Variants in NEXMIF observed in about 807,000 individuals in gnomAD.
NEXMIF encodes neurite extension and migration factor, also known as XLMR protein related to neurite extension.
NEXMIF carries 8 observed loss-of-function variants against 62.1 expected under a neutral mutation model. That is an observed-to-expected ratio of 0.13 (90% confidence interval 0.08 to 0.23). The LOEUF (loss-of-function observed/expected upper bound fraction) is 0.23, where lower values mean the gene tolerates loss of function less well. Ranked by LOEUF, NEXMIF falls within the 10% of genes least tolerant of loss-of-function variation. The pLI is 1.00. For missense variants in NEXMIF, 976 were observed against 1,113.3 expected, an observed-to-expected ratio of 0.88 and a Z score of 1.75; for synonymous variants, 404 against 416.6, an observed-to-expected ratio of 0.97 and a Z score of 0.37.
chrX:74,828,147 G>A (rs1488222431), intron 1 of NEXMIF, among the ~76,000 whole-genome samples: 1 of 111,647 alleles, frequency 9.0e-6, no homozygotes, highest in Non-Finnish European at 1.9e-5. Context: ...TGGGTTTGTA[G>A]AGAGAAAAAT....
chrX:74,918,927 T>C (rs2080816909), intron 1 of NEXMIF, among the ~76,000 whole-genome samples: 1 of 112,290 alleles, frequency 8.9e-6, no homozygotes, highest in South Asian at 3.7e-4. Flanking sequence ...ATCGTGTCCA[T>C]TATGGAAAAG....
At chrX:74,770,177 C>T (rs112434830) in intron 1 of NEXMIF, among the ~76,000 whole-genome samples, 1 of 111,946 alleles carries the variant, frequency 8.9e-6, no homozygotes, top group African/African-American at 3.2e-5. Flanking sequence ...ATCACTTAAC[C>T]TCATTTGAAT....
intron 1 of NEXMIF, among the ~76,000 whole-genome samples, chrX:74,792,451 G>A (rs1428050328): frequency 9.3e-6 from 1 of 106,969 alleles, no homozygotes; most frequent in African/African-American, 3.4e-5. Flanking sequence ...TGTATATTCT[G>A]TTGATTTGGG....
rs1340241971 is a variant in NEXMIF, at chrX:74,753,500, TACTA to T, written c.-47-7807_-47-7804del. On this transcript the variant is annotated intron_variant, in intron 1 of 3. Transcript: ENST00000055682. ...TAAAAATAACCACTAATCAGAGGGC[TACTA>T]ACTTTTTGTTTGTCTTTATTGGAGG... Among the ~76,000 whole-genome samples the T allele has an allele frequency of 3.3e-3, 370 of 112,189 alleles. 2 individuals are homozygous for T. The highest frequency in any genetic ancestry group is 0.011 in the African/African-American group (353 of 30,863).
chrX:74,909,386 C>T lies in NEXMIF; in HGVS notation c.-48+15497G>A, dbSNP rs766037218. 2.7e-5 allele frequency among the ~76,000 whole-genome samples: 3 copies of T among 111,796 alleles called. No individual in the cohort carries two copies. In the East Asian group the frequency reaches 8.5e-4, roughly 32 times the overall value. ...CAAAGAGACTGGTGGCATTTTGCCCCTGCCCTAGAGATTTGTGGAACTTTG... is the reference window on the plus strand; with the variant it reads ...CAAAGAGACTGGTGGCATTTTGCCCTTGCCCTAGAGATTTGTGGAACTTTG... On this transcript the variant is annotated intron_variant, in intron 1 of 3. Transcript: ENST00000055682.
chrX:74,884,010 G>C (rs999654432), intron 1 of NEXMIF, among the ~76,000 whole-genome samples: 1 of 112,090 alleles, frequency 8.9e-6, no homozygotes, highest in South Asian at 3.7e-4. Context: ...TTAAAGAAAA[G>C]AATTTTCAAC....
chrX:74,890,565 A>T (rs12849318), intron 1 of NEXMIF, among the ~76,000 whole-genome samples: 1,396 of 112,044 alleles, frequency 0.012, 8 homozygotes, highest in Middle Eastern at 0.019. Context: ...TGTACATATC[A>T]TCAAACATAT....
chrX:74,801,176 ATATT>A (rs2080328647), intron 1 of NEXMIF, among the ~76,000 whole-genome samples: 1 of 112,041 alleles, frequency 8.9e-6, no homozygotes, highest in African/African-American at 3.2e-5. Context: ...GTGCTGAATA[ATATT>A]TCATTGCATG....
intron 1 of NEXMIF, among the ~76,000 whole-genome samples, chrX:74,919,715 G>A (rs1420018817): frequency 2.4e-4 from 27 of 110,442 alleles, no homozygotes; most frequent in Admixed American, 1.2e-3. Context: ...ATGCTGGTGT[G>A]CTGCACCCAT....
chrX:74,784,157 C>A (rs1437703170), intron 1 of NEXMIF, among the ~76,000 whole-genome samples: 1 of 111,336 alleles, frequency 9.0e-6, no homozygotes, highest in Non-Finnish European at 1.9e-5. Flanking sequence ...TATTAGTTAC[C>A]ACGATTATAG....
chrX:74,901,303 A>G (rs2080748799), intron 1 of NEXMIF, among the ~76,000 whole-genome samples: 1 of 112,275 alleles, frequency 8.9e-6, no homozygotes, highest in Non-Finnish European at 1.9e-5. Context: ...TTTCAGATAA[A>G]GATGGTTTAG....
intron 1 of NEXMIF, among the ~76,000 whole-genome samples, chrX:74,885,724 G>C (rs1280946486): frequency 1.8e-5 from 2 of 111,852 alleles, no homozygotes; most frequent in Non-Finnish European, 3.8e-5. Context: ...GAGGTACAAG[G>C]AGGAGCTGGT....
At chrX:74,888,313 A>AC (rs918333282) in intron 1 of NEXMIF, among the ~76,000 whole-genome samples, 11 of 107,182 alleles carry the variant, frequency 1.0e-4, no homozygotes, top group Admixed American at 3.0e-4. Flanking sequence ...AAACAAACAA[A>AC]AAAAAAAAGA....
chrX:74,796,563 G>A (rs2080312692), intron 1 of NEXMIF, among the ~76,000 whole-genome samples: 1 of 108,247 alleles, frequency 9.2e-6, no homozygotes. Flanking sequence ...GGAGTATCTT[G>A]TAGTACCAGA....
chrX:74,912,753 C>T (rs1287079514), intron 1 of NEXMIF, among the ~76,000 whole-genome samples: 1 of 111,778 alleles, frequency 8.9e-6, no homozygotes, highest in African/African-American at 3.3e-5. Context: ...AGAGCAGTGA[C>T]AGAAATGCTC....
Position 74,740,329 on chromosome X carries a change from G to A in NEXMIF, c.4228C>T (p.Pro1410Ser), listed in dbSNP as rs1057524851. The A allele has an allele frequency of 8.3e-7, 1 of 1,211,515 alleles. No individual in the cohort carries two copies. Among genetic ancestry groups the A allele is most frequent in the Non-Finnish European group, 1.1e-6 (1 of 895,377 alleles). The change falls in exon 3 of 4, where the codon CCT (proline) becomes TCT (serine). Residue 1410 changes from proline (P) to serine (S), a missense_variant. Pro to Ser is a moderately conservative substitution (Grantham distance 74). Coordinates refer to ENST00000055682, the MANE Select transcript of NEXMIF (RefSeq NM_001008537.3). ...KSNGKTAIGD[P>S]GRANMPGYNE... Reference sequence around the variant, plus strand: ...TAACCAGGCATGTTTGCACGACCAGGATCACCTATTGCTGTTTTCCCATTG... The same window carrying A: ...TAACCAGGCATGTTTGCACGACCAGAATCACCTATTGCTGTTTTCCCATTG...
chrX:74,892,920 C>T (rs1389233373), intron 1 of NEXMIF, among the ~76,000 whole-genome samples: 1 of 105,307 alleles, frequency 9.5e-6, no homozygotes, highest in Non-Finnish European at 1.9e-5. Context: ...GTCTACCAGA[C>T]TTGCTGAGAA....
In NEXMIF at chrX:74,758,733, C is replaced by T. The variant is rs1189750130; in HGVS notation, c.-47-13036G>A. 2.7e-5 allele frequency among the ~76,000 whole-genome samples: 3 copies of T among 111,927 alleles called. No individual in the cohort carries two copies. The East Asian group carries it at 8.4e-4, about 31-fold the overall frequency. On this transcript the variant is annotated intron_variant, in intron 1 of 3. Coordinates refer to ENST00000055682, the MANE Select transcript of NEXMIF (RefSeq NM_001008537.3). ...GCTCTGTCCATGTCCCTGCGAAGGA[C>T]ATGACCTCGTTCTTTTTTTATGGTA...
chrX:74,913,027 T>C (rs2080795665), intron 1 of NEXMIF, among the ~76,000 whole-genome samples: 1 of 111,863 alleles, frequency 8.9e-6, no homozygotes, highest in African/African-American at 3.3e-5. Flanking sequence ...TCTCATGACA[T>C]ACCACAAAAC....
Sources: allele counts gnomAD v4.1 joint callset (sites outside exome capture counted in the v4.1 genomes callset), GRCh38; gene constraint gnomAD v4.1.1; transcripts MANE v1.5; gene names NCBI Gene and HGNC (gene_info 2026-07-23, HGNC 2026-07-21).